The following PEAK1 variants were observed in gnomAD, a reference collection of about 807,000 sequenced individuals.
The protein encoded by PEAK1 is pseudopodium enriched atypical kinase 1.
PEAK1 carries 54 observed loss-of-function variants against 124.7 expected under a neutral mutation model. The observed-to-expected ratio is 0.43, with a 90% confidence interval of 0.35 to 0.54. The LOEUF is 0.54. Ranked by LOEUF, PEAK1 falls within the 20% of genes least tolerant of loss-of-function variation. PEAK1 has a pLI of 0.01. For missense variants in PEAK1, 2,046 were observed against 2,134.5 expected (o/e 0.96, Z 0.82); for synonymous variants, 719 against 760.0 (o/e 0.95, Z 0.89).
chr15:77,157,206 A>T (rs1046454018), intron 8 of PEAK1: 1 of 152,210 alleles, frequency 6.6e-6, no homozygotes, highest in Non-Finnish European at 1.5e-5. Flanking sequence ...CTGACAAAGG[A>T]AAAGGACAAA....
chr15:77,287,923 A>G (rs763942501), intron 2 of PEAK1, among the ~76,000 whole-genome samples: 17 of 152,134 alleles, frequency 1.1e-4, no homozygotes, highest in Admixed American at 1.3e-4. Flanking sequence ...TACTTTAAAC[A>G]CTTTCCAAGT....
intron 7 of PEAK1, among the ~76,000 whole-genome samples, chr15:77,175,961 G>A (rs1442483801): frequency 6.6e-6 from 1 of 152,092 alleles, no homozygotes; most frequent in Non-Finnish European, 1.5e-5. Flanking sequence ...TAGGGACATG[G>A]ATGAAATTGG....
chr15:77,390,509 G>A (rs1287945764), intron 1 of PEAK1, among the ~76,000 whole-genome samples: 1 of 152,156 alleles, frequency 6.6e-6, no homozygotes, highest in Admixed American at 6.5e-5. Context: ...GCACAGGTAG[G>A]CCTCTGTAAA....
chr15:77,354,504 T>C (rs942253678), intron 2 of PEAK1, among the ~76,000 whole-genome samples: 2 of 152,170 alleles, frequency 1.3e-5, no homozygotes, highest in African/African-American at 4.8e-5. Context: ...CATGTTAATC[T>C]CCTGGTGAGA....
chr15:77,402,386 A>T, intron 1 of PEAK1: 3 of 985,338 alleles, frequency 3.0e-6, no homozygotes, highest in Non-Finnish European at 3.6e-6. Flanking sequence ...AATGAGACCA[A>T]TTATTTCATT....
intron 7 of PEAK1, among the ~76,000 whole-genome samples, chr15:77,166,740 T>A (rs548807954): frequency 6.6e-6 from 1 of 152,364 alleles, no homozygotes; most frequent in Non-Finnish European, 1.5e-5. Context: ...TCTAAGTGTT[T>A]GTCCTTTAAG....
chr15:77,391,454 C>A (rs2070440025), intron 1 of PEAK1, among the ~76,000 whole-genome samples: 1 of 112,496 alleles, frequency 8.9e-6, no homozygotes, highest in Admixed American at 1.2e-4. Context: ...GGAAAGGGTA[C>A]TGGCACCAAC....
intron 6 of PEAK1, among the ~76,000 whole-genome samples, chr15:77,246,749 G>A (rs2060608201): frequency 6.6e-6 from 1 of 152,168 alleles, no homozygotes; most frequent in Admixed American, 6.5e-5. Flanking sequence ...ACCAGGCATG[G>A]TGGCTCACGC....
intron 9 of PEAK1, among the ~76,000 whole-genome samples, chr15:77,124,116 T>C (rs1044570984): frequency 9.9e-5 from 15 of 152,236 alleles, no homozygotes; most frequent in Admixed American, 8.5e-4. Flanking sequence ...TTACAAGACA[T>C]TAAATTCTTG....
chr15:77,182,990 G>A (rs191477497), intron 6 of PEAK1, among the ~76,000 whole-genome samples: 1 of 151,950 alleles, frequency 6.6e-6, no homozygotes, highest in East Asian at 1.9e-4. Flanking sequence ...ATCTATATGA[G>A]CAAAACTATA....
At chr15:77,346,127 A>C in intron 2 of PEAK1, 3 of 985,428 alleles carry the variant, frequency 3.0e-6, no homozygotes, top group Non-Finnish European at 3.6e-6. Context: ...TCAAAGCTAT[A>C]TTTTATAGAA....
chr15:77,349,383 T>A, intron 2 of PEAK1: 1 of 983,320 alleles, frequency 1.0e-6, no homozygotes, highest in South Asian at 4.7e-5. Context: ...AAGACATAAA[T>A]GTTTCCATGT....
intron 9 of PEAK1, among the ~76,000 whole-genome samples, chr15:77,116,217 T>C (rs534578839): frequency 3.2e-4 from 48 of 152,190 alleles, no homozygotes; most frequent in Non-Finnish European, 5.4e-4. Context: ...TCTCATGCTA[T>C]AGAGAGGCTG....
At chr15:77,322,539 T>C (rs1479543564) in intron 2 of PEAK1, among the ~76,000 whole-genome samples, 2 of 152,168 alleles carry the variant, frequency 1.3e-5, no homozygotes, top group Non-Finnish European at 2.9e-5. Context: ...AAGAAATGGA[T>C]AAATTCCTCA....
At chr15:77,278,507 G>T in intron 5 of PEAK1, 1 of 497,632 alleles carries the variant, frequency 2.0e-6, no homozygotes, top group South Asian at 1.5e-5. Flanking sequence ...AGGAGATAAA[G>T]CCAAAGTGAG....
At chr15:77,308,415 T>C (rs1242543769) in intron 2 of PEAK1, among the ~76,000 whole-genome samples, 2 of 152,084 alleles carry the variant, frequency 1.3e-5, no homozygotes, top group Non-Finnish European at 2.9e-5. Flanking sequence ...TCAGGCTTAA[T>C]AGAGATAAAA....
At position 77,320,567 on chromosome 15, in the gene PEAK1, G is replaced by C. The variant is rs559656724; in HGVS notation, c.-602-34063C>G. On this transcript the variant is annotated intron_variant, in intron 2 of 9. Transcript: ENST00000682557. ...TTGCCTTGGTAGTTCATTGTTTTTCGTATCTGGGAGTTAAATGACCTTATC... is the reference window on the plus strand; with the variant it reads ...TTGCCTTGGTAGTTCATTGTTTTTCCTATCTGGGAGTTAAATGACCTTATC... Among the ~76,000 whole-genome samples the C allele has an allele frequency of 2.6e-5, 4 of 152,202 alleles. No homozygotes were observed. The South Asian group carries it at 6.2e-4, about 24-fold the overall frequency.
At chr15:77,285,979 C>G (rs769312252) in intron 3 of PEAK1, among the ~76,000 whole-genome samples, 6 of 152,122 alleles carry the variant, frequency 3.9e-5, no homozygotes, top group Non-Finnish European at 8.8e-5. Flanking sequence ...CCTGCTTTCT[C>G]TTGTGGGCAT....
chr15:77,367,310 A>G (rs533046323), intron 1 of PEAK1, among the ~76,000 whole-genome samples: 20 of 152,288 alleles, frequency 1.3e-4, no homozygotes, highest in African/African-American at 4.8e-4. Context: ...ATACGATTCA[A>G]GAACAGGTAA....
Sources: allele counts gnomAD v4.1 joint callset (sites outside exome capture counted in the v4.1 genomes callset), GRCh38; gene constraint gnomAD v4.1.1; transcripts MANE v1.5; gene names NCBI Gene and HGNC (gene_info 2026-07-23, HGNC 2026-07-21).